UGGT1: variants seen among roughly 807,000 people sequenced by gnomAD.
UGGT1 encodes UDP-glucose glycoprotein glucosyltransferase 1, also known as UDP-glucose:glycoprotein glucosyltransferase 1.
Under a neutral mutation model 203.9 loss-of-function variants are expected in UGGT1, and 107 were observed. The observed-to-expected ratio is 0.52, with a 90% CI of 0.45 to 0.62. UGGT1 has a LOEUF of 0.62. UGGT1 is among the 20% of genes least tolerant of loss of function. The pLI, the probability that UGGT1 is intolerant of heterozygous loss-of-function variation, is 0.00. For missense variants in UGGT1, 1,673 were observed against 1,867.2 expected, an observed-to-expected ratio of 0.90 and a Z score of 1.92; for synonymous variants, 628 against 653.5, an observed-to-expected ratio of 0.96 and a Z score of 0.59.
rs201938421 is a variant in UGGT1 at position 128,133,884 on chromosome 2, AG to A, written c.1497+627del. ...CACTGCTTTAGAGAGAGAGAGAGAG[AG>A]GGTTCTTCATTGGCCCACTTTTTCC... On this transcript the variant is annotated intron_variant, in intron 14 of 40. Coordinates refer to ENST00000259253, the MANE Select transcript of UGGT1 (RefSeq NM_020120.4). Among the ~76,000 whole-genome samples the A allele has an allele frequency of 4.3e-3, 648 of 152,198 alleles. 2 individuals carry two copies. The highest frequency in any genetic ancestry group is 0.015 in the African/African-American group (614 of 41,524).
chr2:128,160,642 C>T (rs1304430527), intron 24 of UGGT1, 51 bp downstream of exon 24: 1 of 1,562,804 alleles, frequency 6.4e-7, no homozygotes, highest in South Asian at 1.2e-5. Flanking sequence ...ACAGTCTTTG[C>T]AGCATTCTCC....
chr2:128,159,971 CAA>C (rs1690446324), intron 23 of UGGT1, among the ~76,000 whole-genome samples: 1 of 152,058 alleles, frequency 6.6e-6, no homozygotes, highest in African/African-American at 2.4e-5. Context: ...TTAAGAGAGA[CAA>C]TATGGCTTAT....
At chr2:128,091,568 G>C in intron 1 of UGGT1, 153 bp downstream of exon 1, 1 of 1,444,214 alleles carries the variant, frequency 6.9e-7, no homozygotes, top group African/African-American at 1.5e-5. Flanking sequence ...CGAGCGCCCC[G>C]AGTTGCCCTC....
Position 128,143,174 on chromosome 2 carries a change from A to G in UGGT1, c.1800A>G (p.Val600=). The change falls in exon 17 of 41, where the codon GTA becomes GTG. Residue 600 remains valine, a synonymous_variant. Transcript: ENST00000259253. ...VSVLEKKYPY[V]EVNSILGIDS... ...TCCTGGAGAAGAAATATCCGTATGT[A>G]GAAGTGAATAGCATTTTGGGGATTG... 6.2e-7 allele frequency: 1 copy of G among 1,613,794 alleles called. No homozygotes were observed.
intron 16 of UGGT1, among the ~76,000 whole-genome samples, chr2:128,141,692 G>T (rs182802467): frequency 6.6e-6 from 1 of 151,098 alleles, no homozygotes; most frequent in East Asian, 2.0e-4. Context: ...CTGCCACCAC[G>T]CCCAGCTAAT....
At chr2:128,126,613 A>G (rs1688611346) in intron 11 of UGGT1, among the ~76,000 whole-genome samples, 2 of 151,964 alleles carry the variant, frequency 1.3e-5, no homozygotes, top group South Asian at 4.1e-4. Flanking sequence ...AACTTTCCCA[A>G]AATGAACCCA....
At chr2:128,187,233 T>G (rs1325309983) in intron 39 of UGGT1, 1 of 432,496 alleles carries the variant, frequency 2.3e-6, no homozygotes, top group Non-Finnish European at 4.0e-6. Flanking sequence ...AAATGGACTT[T>G]CACTTTTCCT....
intron 20 of UGGT1, 87 bp from the exon 21 acceptor site, chr2:128,156,305 C>A: frequency 9.9e-7 from 1 of 1,005,336 alleles, no homozygotes; most frequent in South Asian, 1.3e-5. Flanking sequence ...CCGTGTTAGC[C>A]ATTGTTTAGA....
intron 3 of UGGT1, among the ~76,000 whole-genome samples, chr2:128,104,807 T>C (rs547364963): frequency 2.0e-5 from 3 of 152,138 alleles, no homozygotes; most frequent in African/African-American, 7.2e-5. Context: ...CCACTACGCC[T>C]GGCTAATTTT....
At chr2:128,173,738 G>T in intron 29 of UGGT1, 43 bp from the exon 30 acceptor site, 7 of 1,597,934 alleles carry the variant, frequency 4.4e-6, no homozygotes, top group Non-Finnish European at 6.0e-6. Context: ...ATTTATTCAT[G>T]TTGTCTCTGA....
At chr2:128,153,131 C>A (rs749895845) in intron 19 of UGGT1, among the ~76,000 whole-genome samples, 20 of 152,012 alleles carry the variant, frequency 1.3e-4, no homozygotes, top group Non-Finnish European at 2.2e-4. Flanking sequence ...TGGGCAAAAC[C>A]CTGTGAACTT....
Position 128,116,310 on chromosome 2 carries a change from A to T in UGGT1, c.839A>T (p.Asp280Val). 1 of 1,612,294 alleles carries T rather than the reference A, an allele frequency of 6.2e-7. No individual in the cohort carries two copies. The highest frequency in any genetic ancestry group is 1.1e-5 in the South Asian group (1 of 91,030). The change falls in exon 8 of 41, where the codon GAT (aspartate) becomes GTT (valine). Residue 280 changes from aspartate to valine, a missense_variant. By Grantham distance (152) the Asp-to-Val change is radical. Around this residue, in one of 4 missense-constraint regions of UGGT1, gnomAD observed 1,073 missense variants for 1,078.7 expected, o/e 0.99. Transcript: ENST00000259253. ...TTVIGENDPIDEVQGFLFGKL... is the reference protein window; with the variant it reads ...TTVIGENDPIVEVQGFLFGKL... ...GTGATTGGTGAAAATGATCCTATTG[A>T]TGAGGTTCAGGGGTTCCTCTTTGGA...
intron 12 of UGGT1, 90 bp downstream of exon 12, chr2:128,127,542 C>A: frequency 2.0e-6 from 2 of 1,006,366 alleles, no homozygotes; most frequent in Non-Finnish European, 1.5e-6. Flanking sequence ...CTTGATATGG[C>A]ATGATGCAAA....
intron 24 of UGGT1, 132 bp from the exon 25 acceptor site, chr2:128,161,006 C>A: frequency 9.9e-7 from 1 of 1,014,104 alleles, no homozygotes. Flanking sequence ...TTTATCTAAA[C>A]ATGTACCTGT....
intron 34 of UGGT1, among the ~76,000 whole-genome samples, chr2:128,179,423 T>C (rs1274612459): frequency 6.6e-6 from 1 of 152,204 alleles, no homozygotes; most frequent in East Asian, 1.9e-4. Context: ...GCTGATGTCA[T>C]GTGACAGGAG....
At chr2:128,134,426 A>T (rs986891826) in intron 14 of UGGT1, among the ~76,000 whole-genome samples, 5 of 152,248 alleles carry the variant, frequency 3.3e-5, no homozygotes, top group African/African-American at 1.2e-4. Flanking sequence ...TTATTAAGCG[A>T]GAGAATACGT....
At chr2:128,097,008 G>A (rs986565635) in intron 1 of UGGT1, among the ~76,000 whole-genome samples, 3 of 152,182 alleles carry the variant, frequency 2.0e-5, no homozygotes, top group Non-Finnish European at 2.9e-5. Flanking sequence ...TTTCTGTTTC[G>A]CTAACTTATG....
In UGGT1 at chr2:128,172,588, C is replaced by G; in HGVS notation, c.3120C>G (p.Val1040=). ...DMPLKSFYRY[V]LEPEISFTSD... is the part of the protein sequence containing the mutation. ...TCAATTTCAGCTTTTACCGTTATGT[C>G]TTAGAACCAGAGATTTCTTTCACTT... The change falls in exon 29 of 41, where the codon GTC becomes GTG. Residue 1040 remains valine (V), a synonymous_variant. Coordinates refer to ENST00000259253, the MANE Select transcript of UGGT1 (RefSeq NM_020120.4). The G allele has an allele frequency of 6.2e-7, 1 of 1,614,072 alleles. No homozygotes were observed. The highest frequency in any genetic ancestry group is 8.5e-7 in the Non-Finnish European group (1 of 1,180,014).
intron 16 of UGGT1, among the ~76,000 whole-genome samples, chr2:128,142,665 A>T (rs1475267233): frequency 6.6e-6 from 1 of 151,216 alleles, no homozygotes; most frequent in East Asian, 2.0e-4. Flanking sequence ...AAGAATTGCT[A>T]ACATGTCCCA....
Sources: allele counts gnomAD v4.1 joint callset (sites outside exome capture counted in the v4.1 genomes callset), GRCh38; gene constraint gnomAD v4.1.1; regional missense constraint gnomAD v4.1.1; transcripts MANE v1.5; gene names NCBI Gene and HGNC (gene_info 2026-07-23, HGNC 2026-07-21).